ADCY2: variants seen among roughly 807,000 people sequenced by gnomAD.
The protein encoded by ADCY2 is adenylate cyclase type 2.
In ADCY2, 31 loss-of-function variants were observed where a neutral mutation model predicts 125.2. That is an observed-to-expected ratio of 0.25 (90% CI 0.19 to 0.33). The LOEUF is 0.33. Ranked by LOEUF, ADCY2 falls within the 10% of genes least tolerant of loss-of-function variation. The pLI, the probability that ADCY2 is intolerant of heterozygous loss-of-function variation, is 1.00. For missense variants in ADCY2, 904 were observed against 1,418.2 expected (o/e 0.64, Z 5.82); for synonymous variants, 512 against 548.4 (o/e 0.93, Z 0.93).
chr5:7,741,685 GTC>G (rs1742423244), intron 14 of ADCY2, among the ~76,000 whole-genome samples: 1 of 7,782 alleles, frequency 1.3e-4, no homozygotes, highest in Non-Finnish European at 2.8e-4. Context: ...CACCATCACC[GTC>G]ACCATCATCA....
At chr5:7,431,501 A>C (rs934086784) in intron 2 of ADCY2, among the ~76,000 whole-genome samples, 1 of 148,342 alleles carries the variant, frequency 6.7e-6, no homozygotes, top group Admixed American at 6.8e-5. Flanking sequence ...GATTTCTTGA[A>C]TATAACACAC....
chr5:7,769,234 T>C (rs1743485636), intron 17 of ADCY2, among the ~76,000 whole-genome samples: 1 of 152,326 alleles, frequency 6.6e-6, no homozygotes, highest in African/African-American at 2.4e-5. Context: ...CATGTGTTTA[T>C]GTAACATCAA....
chr5:7,775,398 T>C (rs559725431), intron 18 of ADCY2, among the ~76,000 whole-genome samples: 5 of 151,338 alleles, frequency 3.3e-5, no homozygotes, highest in Non-Finnish European at 5.9e-5. Context: ...GTTTTGATTG[T>C]TTGTTTGTTT....
At chr5:7,474,823 G>C (rs1490321096) in intron 2 of ADCY2, among the ~76,000 whole-genome samples, 1 of 152,262 alleles carries the variant, frequency 6.6e-6, no homozygotes, top group Admixed American at 6.5e-5. Flanking sequence ...CACCTCTCTG[G>C]TGGGGTGGTT....
At chr5:7,484,960 G>T (rs559820178) in intron 2 of ADCY2, among the ~76,000 whole-genome samples, 1 of 152,054 alleles carries the variant, frequency 6.6e-6, no homozygotes, top group Admixed American at 6.6e-5. Context: ...CCAGTCTTCC[G>T]TAGACCCCAT....
At chr5:7,436,181 C>T (rs761168297) in intron 2 of ADCY2, among the ~76,000 whole-genome samples, 17 of 152,162 alleles carry the variant, frequency 1.1e-4, no homozygotes, top group South Asian at 8.3e-4. Context: ...GATTTGTTGA[C>T]GAAAATATTG....
intron 3 of ADCY2, among the ~76,000 whole-genome samples, chr5:7,589,492 A>AAGAC (rs1736762190): frequency 1.5e-5 from 1 of 65,548 alleles, no homozygotes; most frequent in African/African-American, 3.5e-5. Context: ...GAAAGAAAGA[A>AAGAC]AGAAAGAAAG....
At chr5:7,453,352 G>A (rs939435560) in intron 2 of ADCY2, among the ~76,000 whole-genome samples, 3 of 152,098 alleles carry the variant, frequency 2.0e-5, no homozygotes, top group East Asian at 1.9e-4. Flanking sequence ...TTTACTAAAC[G>A]TTGTGTTCTC....
At chr5:7,503,201 G>T (rs1296790294) in intron 2 of ADCY2, among the ~76,000 whole-genome samples, 3 of 152,144 alleles carry the variant, frequency 2.0e-5, no homozygotes, top group Non-Finnish European at 4.4e-5. Context: ...CAGAGTATTT[G>T]TTCCTTGATT....
At position 7,518,641 on chromosome 5, in the gene ADCY2, C is replaced by T. The variant is rs150393767; in HGVS notation, c.409-2097C>T. Among the ~76,000 whole-genome samples the T allele has an allele frequency of 4.4e-3, 671 of 152,186 alleles. 3 individuals are homozygous for T. Among genetic ancestry groups the T allele is most frequent in the Non-Finnish European group, 5.0e-3 (341 of 68,016 alleles). On this transcript the variant is annotated intron_variant, in intron 2 of 24. Coordinates refer to ENST00000338316, the MANE Select transcript of ADCY2 (RefSeq NM_020546.3). ...TAAATATAGATTGAATGGGAGGAGA[C>T]GGGGGCATGAAGCAGATGGTCCATG... is the stretch of plus-strand genomic sequence containing the variant.
chr5:7,572,544 A>G (rs146086666), intron 3 of ADCY2, among the ~76,000 whole-genome samples: 1,592 of 152,156 alleles, frequency 0.01, 41 homozygotes, highest in South Asian at 0.012. Context: ...GCTGGTTATT[A>G]GACCTTTGTC....
At chr5:7,497,566 G>C (rs1743385078) in intron 2 of ADCY2, among the ~76,000 whole-genome samples, 1 of 152,026 alleles carries the variant, frequency 6.6e-6, no homozygotes, top group African/African-American at 2.4e-5. Flanking sequence ...TCAATAAGGA[G>C]AGCAAATGAA....
At chr5:7,699,079 G>GTAAA (rs1740989709) in intron 7 of ADCY2, among the ~76,000 whole-genome samples, 1 of 47,316 alleles carries the variant, frequency 2.1e-5, no homozygotes, top group East Asian at 4.1e-3. Context: ...ACAACAGTAA[G>GTAAA]CATTTTTTTT....
At chr5:7,756,700 T>C (rs1027019485) in intron 15 of ADCY2, among the ~76,000 whole-genome samples, 16 of 152,158 alleles carry the variant, frequency 1.1e-4, no homozygotes, top group African/African-American at 3.9e-4. Context: ...GGGAGTTGTT[T>C]TTCCATGGGT....
At chr5:7,435,591 G>A (rs981435275) in intron 2 of ADCY2, among the ~76,000 whole-genome samples, 2 of 152,170 alleles carry the variant, frequency 1.3e-5, no homozygotes, top group Admixed American at 1.3e-4. Context: ...AATTCAAAAC[G>A]ATTTCTTATA....
intron 15 of ADCY2, among the ~76,000 whole-genome samples, chr5:7,757,098 T>C (rs1157823109): frequency 6.6e-6 from 1 of 152,260 alleles, no homozygotes; most frequent in Non-Finnish European, 1.5e-5. Flanking sequence ...ACTTTCATCA[T>C]AGCTGTGATC....
chr5:7,707,632 T>C (rs903207481), intron 8 of ADCY2, 74 bp from the exon 9 acceptor site: 108 of 1,543,764 alleles, frequency 7.0e-5, no homozygotes, highest in Non-Finnish European at 7.9e-5. Context: ...ATTTCAGAAA[T>C]CATGAGCAAA....
At chr5:7,522,488 T>TAG (rs1561072387) in intron 3 of ADCY2, 1 of 132,726 alleles carries the variant, frequency 7.5e-6, no homozygotes, top group South Asian at 2.2e-4. Flanking sequence ...GCCTCTCCTG[T>TAG]GGGGCATTTC....
At chr5:7,457,410 C>CCCAT (rs1579462237) in intron 2 of ADCY2, among the ~76,000 whole-genome samples, 1 of 152,246 alleles carries the variant, frequency 6.6e-6, no homozygotes, top group East Asian at 1.9e-4. Flanking sequence ...CCTGGTCTGT[C>CCCAT]CCATCTGTGG....
Sources: allele counts gnomAD v4.1 joint callset (sites outside exome capture counted in the v4.1 genomes callset), GRCh38; gene constraint gnomAD v4.1.1; transcripts MANE v1.5; gene names NCBI Gene and HGNC (gene_info 2026-07-23, HGNC 2026-07-21).